Variants in VSNL1 observed in about 807,000 individuals in gnomAD.
VSNL1 encodes the protein visinin like 1.
Under a neutral mutation model 20.4 loss-of-function variants are expected in VSNL1, and 6 were observed. That is an observed-to-expected ratio of 0.29 (90% confidence interval 0.16 to 0.58). The LOEUF is 0.58. Ranked by LOEUF, VSNL1 falls within the 20% of genes least tolerant of loss-of-function variation. The probability of loss-of-function intolerance (pLI) is 0.90; values close to 1 mark genes in which losing one functional copy is unlikely to be tolerated. For missense variants in VSNL1, 100 were observed against 234.5 expected (o/e 0.43, Z 3.75); for synonymous variants, 93 against 86.4 (o/e 1.08, Z -0.42).
chr2:17,654,170 A>AT (rs1327424738), intron 3 of VSNL1, among the ~76,000 whole-genome samples: 1 of 152,222 alleles, frequency 6.6e-6, no homozygotes, highest in African/African-American at 2.4e-5. Context: ...GAATGTTCTC[A>AT]TGCAAGTCTT....
intron 2 of VSNL1, among the ~76,000 whole-genome samples, chr2:17,598,010 T>A (rs1324529881): frequency 6.6e-6 from 1 of 152,204 alleles, no homozygotes; most frequent in African/African-American, 2.4e-5. Context: ...GAATATGTAC[T>A]AAAACAAAAT....
intron 2 of VSNL1, among the ~76,000 whole-genome samples, chr2:17,621,258 TTTTC>T (rs1355094304): frequency 1.6e-4 from 25 of 151,824 alleles, no homozygotes; most frequent in Admixed American, 4.6e-4. Flanking sequence ...TCTTTCTTTC[TTTTC>T]TTTCTTTCTT....
At chr2:17,605,442 G>A (rs1424722557) in intron 2 of VSNL1, among the ~76,000 whole-genome samples, 1 of 152,202 alleles carries the variant, frequency 6.6e-6, no homozygotes, top group Non-Finnish European at 1.5e-5. Context: ...TGTCCCTGGT[G>A]CAGGCACCAG....
chr2:17,590,940 CT>C (rs1244154811), intron 1 of VSNL1, among the ~76,000 whole-genome samples: 12 of 152,042 alleles, frequency 7.9e-5, no homozygotes, highest in African/African-American at 2.9e-4. Context: ...TTTAACTTGA[CT>C]TTTTAAATCA....
At chr2:17,570,447 A>G (rs961685772) in intron 1 of VSNL1, among the ~76,000 whole-genome samples, 2 of 152,214 alleles carry the variant, frequency 1.3e-5, no homozygotes, top group Non-Finnish European at 2.9e-5. Context: ...TTTAAATATT[A>G]AATCTATTAA....
chr2:17,648,181 C>T (rs1008401526), intron 2 of VSNL1, among the ~76,000 whole-genome samples: 1 of 152,164 alleles, frequency 6.6e-6, no homozygotes, highest in Non-Finnish European at 1.5e-5. Flanking sequence ...TCCTGGAATG[C>T]TTGGCTGTTC....
rs189621888 is a variant in VSNL1, at chr2:17,572,063, C to T, written c.-5-20007C>T. Among the ~76,000 whole-genome samples, 382 of 152,282 alleles carry T rather than the reference C, an allele frequency of 2.5e-3. 5 individuals are homozygous for T. The highest frequency in any genetic ancestry group is 0.021 in the Admixed American group (316 of 15,284). On this transcript the variant is annotated intron_variant, in intron 1 of 3. Transcript: ENST00000295156. ...GATAAAGCTGGAGAGGTAGAAAGAA[C>T]GTGCACCCTGATTTTCTTAAGGTAG...
chr2:17,569,267 A>G (rs914778501), intron 1 of VSNL1, among the ~76,000 whole-genome samples: 1 of 151,942 alleles, frequency 6.6e-6, no homozygotes, highest in African/African-American at 2.4e-5. Context: ...AGATCATACA[A>G]CTGTACTCCA....
chr2:17,596,301 G>A (rs1185056997), intron 2 of VSNL1, among the ~76,000 whole-genome samples: 2 of 152,202 alleles, frequency 1.3e-5, no homozygotes, highest in Non-Finnish European at 2.9e-5. Flanking sequence ...GCTGCTGATA[G>A]GTTGGGAAGA....
At position 17,625,840 on chromosome 2, in the gene VSNL1, ATT is replaced by A. The variant is rs35795117; in HGVS notation, c.163-23548_163-23547del. ...CCAGGTTACAGCATCTCCTTAGCTG[ATT>A]TTTTTTTTTTTTTTTTTTTTTGAGA... On this transcript the variant is annotated intron_variant, in intron 2 of 3. Transcript: ENST00000295156. 5.3e-3 allele frequency among the ~76,000 whole-genome samples: 571 copies of A among 108,486 alleles called. 3 individuals carry two copies. Among genetic ancestry groups the A allele is most frequent in the East Asian group, 0.027 (104 of 3,906 alleles). The allele number at this position is 108,486 out of a possible 152,430, so 71.2% of individuals were successfully genotyped here.
At chr2:17,582,050 A>T (rs1435951033) in intron 1 of VSNL1, among the ~76,000 whole-genome samples, 3 of 152,216 alleles carry the variant, frequency 2.0e-5, no homozygotes, top group African/African-American at 7.2e-5. Flanking sequence ...TACCTCCTCT[A>T]CATCTTGAAA....
At chr2:17,621,227 CT>C (rs1314511988) in intron 2 of VSNL1, among the ~76,000 whole-genome samples, 1 of 151,638 alleles carries the variant, frequency 6.6e-6, no homozygotes, top group East Asian at 1.9e-4. Context: ...TTCTCTCTCT[CT>C]TTCTTTCTTT....
intron 2 of VSNL1, among the ~76,000 whole-genome samples, chr2:17,597,689 G>A (rs1664740203): frequency 6.6e-6 from 1 of 152,176 alleles, no homozygotes; most frequent in African/African-American, 2.4e-5. Context: ...TAGAAAACAT[G>A]CTTCCAGCTT....
rs189559300 is a variant in VSNL1, at chr2:17,622,601, A to G, written c.163-26809A>G. Among the ~76,000 whole-genome samples, 194 of 126,710 alleles carry G rather than the reference A, an allele frequency of 1.5e-3. 1 individual carries two copies. The highest frequency in any genetic ancestry group is 4.9e-3 in the African/African-American group (181 of 36,868). 83.1% of individuals were successfully genotyped at this position (126,710 alleles called of 152,430 possible). ...GAAAGAAAGAAAGAAAGAAAGAAAG[A>G]AAAGAAAGAAAGATCTTCAATGAAT... On this transcript the variant is annotated intron_variant, in intron 2 of 3. Coordinates refer to ENST00000295156, the MANE Select transcript of VSNL1 (RefSeq NM_003385.5).
In VSNL1 at chr2:17,624,401, A is replaced by C. The variant is rs185279820; in HGVS notation, c.163-25009A>C. 1.2e-3 allele frequency among the ~76,000 whole-genome samples: 179 copies of C among 152,312 alleles called. 2 individuals are homozygous for C. The highest frequency in any genetic ancestry group is 3.1e-3 in the African/African-American group (127 of 41,578). ...GTCCCCCCTTCACCCCAAGGTATAC[A>C]TGTCCTAACCCCTAGAATTTGTGAA... On this transcript the variant is annotated intron_variant, in intron 2 of 3. Transcript: ENST00000295156.
At chr2:17,651,165 T>C (rs1042785659) in intron 3 of VSNL1, among the ~76,000 whole-genome samples, 1 of 152,170 alleles carries the variant, frequency 6.6e-6, no homozygotes, top group African/African-American at 2.4e-5. Context: ...ACCAAAACCC[T>C]TCCTCTCCAA....
intron 3 of VSNL1, among the ~76,000 whole-genome samples, chr2:17,652,337 A>AGGG (rs1666139574): frequency 6.6e-6 from 1 of 152,242 alleles, no homozygotes; most frequent in Non-Finnish European, 1.5e-5. Context: ...AAGTCCTGGA[A>AGGG]GGGAAACACA....
intron 1 of VSNL1, among the ~76,000 whole-genome samples, chr2:17,571,629 A>C (rs1664087218): frequency 6.6e-6 from 1 of 152,238 alleles, no homozygotes; most frequent in Non-Finnish European, 1.5e-5. Flanking sequence ...GGACAATTCT[A>C]GGTACAAAGA....
Position 17,655,205 on chromosome 2 carries a change from C to T in VSNL1, c.387C>T (p.Tyr129=), listed in dbSNP as rs1666202854. 2.5e-6 allele frequency: 4 copies of T among 1,613,946 alleles called. No individual in the cohort carries two copies. Among genetic ancestry groups the T allele is most frequent in the Non-Finnish European group, 3.4e-6 (4 of 1,179,994 alleles). ...VEMLEIIEAI[Y]KMVGTVIMMK... is the part of the protein sequence containing the mutation. ...ATGCTTTTTTCCCCAAGGCTATCTACAAAATGGTAGGCACTGTGATCATGA... is the reference window on the plus strand; with the variant it reads ...ATGCTTTTTTCCCCAAGGCTATCTATAAAATGGTAGGCACTGTGATCATGA... The change falls in exon 4 of 4, where the codon TAC becomes TAT. Residue 129 remains tyrosine, a synonymous_variant. Transcript: ENST00000295156. The surrounding 1 kb of genome is among the most constrained non-coding windows in gnomAD (Gnocchi z 5.2).
Sources: allele counts gnomAD v4.1 joint callset (sites outside exome capture counted in the v4.1 genomes callset), GRCh38; gene constraint gnomAD v4.1.1; non-coding constraint Gnocchi (gnomAD v3.1); transcripts MANE v1.5; gene names NCBI Gene and HGNC (gene_info 2026-07-23, HGNC 2026-07-21).